TRAPPC9: variants seen among roughly 807,000 people sequenced by gnomAD.
TRAPPC9 encodes the protein trafficking protein particle complex subunit 9.
Under a neutral mutation model 124.0 loss-of-function variants are expected in TRAPPC9, and 83 were observed. The observed-to-expected ratio is 0.67, with a 90% CI of 0.56 to 0.80. TRAPPC9 has a LOEUF of 0.80. Among genes scored for constraint, TRAPPC9 ranks in the 30% least tolerant of loss-of-function variants. The pLI is 0.00. For synonymous variants in TRAPPC9, 638 were observed against 617.5 expected, an observed-to-expected ratio of 1.03 and a Z score of -0.49; for missense variants, 1,302 against 1,508.3, an observed-to-expected ratio of 0.86 and a Z score of 2.27.
chr8:140,368,468 T>A lies in TRAPPC9; in HGVS notation c.1351+2496A>T, dbSNP rs193269724. On this transcript the variant is annotated intron_variant, in intron 8 of 22. Transcript: ENST00000438773. The stretch of plus-strand genomic sequence containing the variant: ...TCCAGAGAGGCAGGATATCTTAGGC[T>A]CTAAAGACAAAAACCCATAAAAACT... 3.9e-3 allele frequency among the ~76,000 whole-genome samples: 596 copies of A among 152,170 alleles called. 3 individuals carry two copies. The highest frequency in any genetic ancestry group is 6.2e-3 in the Non-Finnish European group (420 of 67,980).
intron 18 of TRAPPC9, among the ~76,000 whole-genome samples, chr8:140,016,940 T>C (rs1390482388): frequency 2.0e-5 from 3 of 152,334 alleles, no homozygotes; most frequent in East Asian, 3.9e-4. Context: ...TGTTTCACAT[T>C]CTCCCTAACA....
chr8:140,202,145 A>C (rs1208041489), intron 17 of TRAPPC9, among the ~76,000 whole-genome samples: 1 of 150,674 alleles, frequency 6.6e-6, no homozygotes, highest in African/African-American at 2.4e-5. Flanking sequence ...GGTGAGATAA[A>C]AGCTCATCTT....
At chr8:139,734,097 C>A (rs73726719) in intron 21 of TRAPPC9, among the ~76,000 whole-genome samples, 1 of 152,220 alleles carries the variant, frequency 6.6e-6, no homozygotes, top group Non-Finnish European at 1.5e-5. Flanking sequence ...CAATTCCCAG[C>A]GAGTCCTGGC....
chr8:140,075,703 G>A (rs764320452), intron 17 of TRAPPC9, among the ~76,000 whole-genome samples: 1 of 152,208 alleles, frequency 6.6e-6, no homozygotes, highest in Non-Finnish European at 1.5e-5. Flanking sequence ...CTTTTCCATA[G>A]GAGAAAAGAA....
chr8:140,076,205 AT>A (rs1370358673), intron 17 of TRAPPC9, among the ~76,000 whole-genome samples: 1 of 152,218 alleles, frequency 6.6e-6, no homozygotes, highest in Non-Finnish European at 1.5e-5. Flanking sequence ...TCTGATTTGC[AT>A]GTGTGGAACA....
chr8:140,045,053 A>G (rs1841500062), intron 17 of TRAPPC9, among the ~76,000 whole-genome samples: 1 of 152,206 alleles, frequency 6.6e-6, no homozygotes, highest in African/African-American at 2.4e-5. Context: ...CTCCAAAACC[A>G]GAGCCAAGTC....
At chr8:140,342,194 C>T (rs1214728463) in intron 9 of TRAPPC9, among the ~76,000 whole-genome samples, 1 of 152,174 alleles carries the variant, frequency 6.6e-6, no homozygotes, top group African/African-American at 2.4e-5. Flanking sequence ...GAGGACACCA[C>T]CTGGAGCCAC....
intron 17 of TRAPPC9, chr8:140,098,908 G>C (rs573600095): frequency 6.6e-6 from 1 of 152,256 alleles, no homozygotes; most frequent in African/African-American, 2.4e-5. Flanking sequence ...CCGTGCACAG[G>C]GGAGGACACC....
chr8:139,858,566 A>G (rs544531623), intron 21 of TRAPPC9, among the ~76,000 whole-genome samples: 32 of 152,328 alleles, frequency 2.1e-4, no homozygotes, highest in African/African-American at 7.7e-4. Context: ...AGGTGTGTAT[A>G]CATAGGGGAC....
At chr8:140,195,476 A>ACATTGAAC (rs1491258805) in intron 17 of TRAPPC9, among the ~76,000 whole-genome samples, 1 of 151,894 alleles carries the variant, frequency 6.6e-6, no homozygotes, top group Non-Finnish European at 1.5e-5. Flanking sequence ...ACACTAAAAC[A>ACATTGAAC]ATGATCCACC....
chr8:140,267,469 T>G (rs535469127), intron 15 of TRAPPC9, among the ~76,000 whole-genome samples: 5 of 152,344 alleles, frequency 3.3e-5, no homozygotes, highest in Non-Finnish European at 5.9e-5. Flanking sequence ...AAGCACTCAC[T>G]ATGCGGCAAG....
chr8:140,119,428 A>G (rs2060946552), intron 17 of TRAPPC9, among the ~76,000 whole-genome samples: 1 of 152,110 alleles, frequency 6.6e-6, no homozygotes, highest in African/African-American at 2.4e-5. Context: ...ACCACTGACC[A>G]GGGGCATCCT....
chr8:139,846,864 G>A (rs1372333011), intron 21 of TRAPPC9, among the ~76,000 whole-genome samples: 1 of 152,196 alleles, frequency 6.6e-6, no homozygotes, highest in Non-Finnish European at 1.5e-5. Flanking sequence ...TGTACAGGCA[G>A]GCTGTGCATT....
intron 11 of TRAPPC9, among the ~76,000 whole-genome samples, chr8:140,293,662 C>G (rs563635963): frequency 6.6e-6 from 1 of 151,350 alleles, no homozygotes; most frequent in Admixed American, 6.6e-5. Flanking sequence ...GGGAATTGAA[C>G]AATGAGAACA....
intron 7 of TRAPPC9, among the ~76,000 whole-genome samples, chr8:140,373,034 A>G (rs2068328037): frequency 6.6e-6 from 1 of 152,132 alleles, no homozygotes; most frequent in South Asian, 2.1e-4. Flanking sequence ...CTGCCTACCT[A>G]TGACCTCACC....
rs563208398 is a variant in TRAPPC9 at position 140,168,354 on chromosome 8, T to C, written c.2556+53105A>G. 1.2e-4 allele frequency among the ~76,000 whole-genome samples: 14 copies of C among 121,616 alleles called. No individual in the cohort carries two copies. The East Asian group carries it at 3.9e-3, about 34-fold the overall frequency. The allele number at this position is 121,616 out of a possible 152,430, so 79.8% of individuals were successfully genotyped here. On this transcript the variant is annotated intron_variant, in intron 17 of 22. Coordinates refer to ENST00000438773, the MANE Select transcript of TRAPPC9 (RefSeq NM_001160372.4). Reference sequence around the variant, plus strand: ...TGTTATGCAACCACCTCTATCCAGTTCTAAAACATTTTTTTAACCCAAAAA... The same window carrying C: ...TGTTATGCAACCACCTCTATCCAGTCCTAAAACATTTTTTTAACCCAAAAA...
chr8:139,862,282 T>C (rs995725328), intron 21 of TRAPPC9, among the ~76,000 whole-genome samples: 2 of 152,236 alleles, frequency 1.3e-5, no homozygotes, highest in African/African-American at 4.8e-5. Context: ...GTCTCTGCCT[T>C]TTCCACCATC....
chr8:140,210,116 C>T (rs1173883587), intron 17 of TRAPPC9, among the ~76,000 whole-genome samples: 6 of 152,246 alleles, frequency 3.9e-5, no homozygotes, highest in Admixed American at 1.3e-4. Flanking sequence ...TTCTTCTGGC[C>T]TCGGCCTGTT....
Position 140,194,286 on chromosome 8 carries a change from C to T in TRAPPC9, c.2556+27173G>A, listed in dbSNP as rs145979682. 1.8e-3 allele frequency among the ~76,000 whole-genome samples: 276 copies of T among 152,126 alleles called. 2 individuals are homozygous for T. The highest frequency in any genetic ancestry group is 6.3e-3 in the African/African-American group (261 of 41,458). On this transcript the variant is annotated intron_variant, in intron 17 of 22. Coordinates refer to ENST00000438773, the MANE Select transcript of TRAPPC9 (RefSeq NM_001160372.4). The stretch of plus-strand genomic sequence containing the variant: ...CTTCACACCCCACCCACAGTCATCC[C>T]CCTCCCTCAGTATGATCTCTCTTGG...
Sources: gnomAD v4.1 joint callset for allele counts (sites outside exome capture counted in the v4.1 genomes callset) on GRCh38, gnomAD v4.1.1 for gene constraint, MANE v1.5 for transcripts, NCBI Gene and HGNC (gene_info 2026-07-23, HGNC 2026-07-21) for gene names.